NCOA3: variants seen among roughly 807,000 people sequenced by gnomAD.
NCOA3 encodes CBP-interacting protein.
A neutral mutation model predicts 158.8 loss-of-function variants in NCOA3; 51 were observed. The observed-to-expected ratio is 0.32, with a 90% CI of 0.26 to 0.41. NCOA3 has a LOEUF of 0.41. NCOA3 is among the 10% of genes least tolerant of loss of function. The pLI is 1.00. For synonymous variants in NCOA3, 537 were observed against 592.4 expected (o/e 0.91, Z 1.36); for missense variants, 1,510 against 1,746.6 (o/e 0.86, Z 2.41).
At chr20:47,546,527 GTTTTTTTTTTT>G (rs35925841) in intron 1 of NCOA3, among the ~76,000 whole-genome samples, 1 of 120,280 alleles carries the variant, frequency 8.3e-6, no homozygotes, top group South Asian at 2.7e-4. Context: ...ACTTGCCTCT[GTTTTTTTTTTT>G]TTTTTTTTTT....
At chr20:47,635,250 A>ATT in intron 10 of NCOA3, 72 bp from the exon 11 acceptor site, 1 of 1,434,360 alleles carries the variant, frequency 7.0e-7, no homozygotes, top group Non-Finnish European at 9.4e-7. Context: ...ATTTTATTTT[A>ATT]TTTTAAATCT....
rs111321522 is a variant in NCOA3, at chr20:47,597,971, C to A, written c.-20+14710C>A. ...TTTAAAGAACCAGGCTTCTGCCGGGCGTGGTGGCTCACGCCTGTAATCCCA... is the reference window on the plus strand; with the variant it reads ...TTTAAAGAACCAGGCTTCTGCCGGGAGTGGTGGCTCACGCCTGTAATCCCA... On this transcript the variant is annotated intron_variant, in intron 2 of 22. Coordinates refer to ENST00000371998, the MANE Select transcript of NCOA3 (RefSeq NM_181659.3). 7.3e-3 allele frequency among the ~76,000 whole-genome samples: 1,102 copies of A among 151,598 alleles called. 22 individuals are homozygous for A. Among genetic ancestry groups the A allele is most frequent in the African/African-American group, 0.025 (1,044 of 41,422 alleles).
intron 2 of NCOA3, among the ~76,000 whole-genome samples, chr20:47,600,814 CAAAAA>C (rs376125255): frequency 2.7e-5 from 2 of 73,046 alleles, no homozygotes. Context: ...CTGTCCCTGG[CAAAAA>C]AAAAAAAAAA....
intron 1 of NCOA3, among the ~76,000 whole-genome samples, chr20:47,568,108 A>G (rs1310255144): frequency 2.6e-5 from 4 of 152,160 alleles, no homozygotes; most frequent in South Asian, 2.1e-4. Flanking sequence ...TTCAAGTTCT[A>G]TTTTTGGCAC....
At chr20:47,604,680 C>A (rs999022323) in intron 2 of NCOA3, among the ~76,000 whole-genome samples, 1 of 152,192 alleles carries the variant, frequency 6.6e-6, no homozygotes, top group African/African-American at 2.4e-5. Context: ...TCAAGTGAGC[C>A]TCCCACCTCA....
chr20:47,652,250 TG>T (rs375109509), intron 20 of NCOA3, among the ~76,000 whole-genome samples, 155 bp from the exon 21 acceptor site: 2 of 151,858 alleles, frequency 1.3e-5, no homozygotes, highest in Non-Finnish European at 1.5e-5. Context: ...CTAGAATACC[TG>T]GGGGGGCAGC....
At chr20:47,567,693 A>G (rs1365255003) in intron 1 of NCOA3, among the ~76,000 whole-genome samples, 11 of 151,988 alleles carry the variant, frequency 7.2e-5, no homozygotes, top group Admixed American at 6.6e-4. Flanking sequence ...CCTCAGCCTC[A>G]CAAGTAGCTG....
chr20:47,591,533 T>C (rs1273080188), intron 2 of NCOA3, among the ~76,000 whole-genome samples: 1 of 152,222 alleles, frequency 6.6e-6, no homozygotes, highest in Non-Finnish European at 1.5e-5. Flanking sequence ...TAGATGTGCA[T>C]TTTCATCTGA....
rs567509906 is a variant in NCOA3, at chr20:47,639,453, T to A, written c.2708-124T>A. ...TATGTCTCCACAGTTGGCCAGCCCT[T>A]TTCTTACCATGACAAAGTGCTGTTT... On this transcript the variant is annotated intron_variant, in intron 14 of 22. Transcript: ENST00000371998. 3.3e-5 allele frequency: 44 copies of A among 1,352,006 alleles called. No homozygotes were observed. The African/African-American group carries it at 5.6e-4, about 17-fold the overall frequency. 83.8% of individuals were successfully genotyped at this position (1,352,006 alleles called of 1,614,324 possible).
intron 2 of NCOA3, among the ~76,000 whole-genome samples, chr20:47,618,348 G>GT (rs71183269): frequency 0.089 from 8,963 of 101,214 alleles, 590 homozygotes; most frequent in Middle Eastern, 0.13. Context: ...TTTTCCCTTA[G>GT]TTTTTTTTTT....
intron 1 of NCOA3, among the ~76,000 whole-genome samples, chr20:47,578,789 C>T (rs2085410204): frequency 6.6e-6 from 1 of 152,160 alleles, no homozygotes; most frequent in Non-Finnish European, 1.5e-5. Flanking sequence ...AGTGGCTCCC[C>T]TTTTCTGTGA....
chr20:47,571,517 T>C (rs1340748327), intron 1 of NCOA3, among the ~76,000 whole-genome samples: 1 of 151,586 alleles, frequency 6.6e-6, no homozygotes, highest in Non-Finnish European at 1.5e-5. Context: ...GAGGTTTCAC[T>C]ATGTTGCCCA....
intron 2 of NCOA3, among the ~76,000 whole-genome samples, chr20:47,611,721 G>A (rs1167525404): frequency 6.6e-6 from 1 of 152,134 alleles, no homozygotes; most frequent in African/African-American, 2.4e-5. Flanking sequence ...GAATCTGGGA[G>A]GCGGAAGTTT....
In NCOA3 at chr20:47,656,455, C is replaced by T. The variant is rs1237376948; in HGVS notation, c.*3038C>T. 3.9e-5 allele frequency: 6 copies of T among 152,152 alleles called. No homozygotes were observed. The highest frequency in any genetic ancestry group is 7.4e-5 in the Non-Finnish European group (5 of 68,008). The allele number at this position is 152,152 out of a possible 1,614,324, so 9.4% of individuals were successfully genotyped here. On this transcript the variant is annotated 3_prime_UTR_variant, in exon 23 of 23. Coordinates refer to ENST00000371998, the MANE Select transcript of NCOA3 (RefSeq NM_181659.3). ...AGAGGTGGGTGCAGCTGAAAGTAAACAGAATGGATTGCCAGTTACATGTAT... is the reference window on the plus strand; with the variant it reads ...AGAGGTGGGTGCAGCTGAAAGTAAATAGAATGGATTGCCAGTTACATGTAT...
intron 1 of NCOA3, among the ~76,000 whole-genome samples, chr20:47,557,621 AAT>A (rs1218910368): frequency 6.6e-6 from 1 of 152,204 alleles, no homozygotes; most frequent in Non-Finnish European, 1.5e-5. Context: ...CAAATTAAGT[AAT>A]ATAGTCAGAT....
chr20:47,532,885 C>A (rs2084569209), intron 1 of NCOA3, among the ~76,000 whole-genome samples: 1 of 151,572 alleles, frequency 6.6e-6, no homozygotes, highest in African/African-American at 2.4e-5. Context: ...GGGCGGATCA[C>A]TTGAGGTCAG....
chr20:47,647,909 G>GTTTTTTTTTT (rs1199919209), intron 18 of NCOA3, among the ~76,000 whole-genome samples: 2 of 128,092 alleles, frequency 1.6e-5, no homozygotes, highest in Non-Finnish European at 3.3e-5. Flanking sequence ...TTGTTTGTTT[G>GTTTTTTTTTT]TTTTGTTTTG....
intron 2 of NCOA3, among the ~76,000 whole-genome samples, chr20:47,588,151 T>G (rs892540886): frequency 4.4e-4 from 64 of 143,878 alleles, no homozygotes; most frequent in African/African-American, 1.6e-3. Context: ...TTTTTTTTTT[T>G]TTTTTTTGAG....
At chr20:47,556,761 C>T (rs2085014467) in intron 1 of NCOA3, among the ~76,000 whole-genome samples, 1 of 152,052 alleles carries the variant, frequency 6.6e-6, no homozygotes, top group Non-Finnish European at 1.5e-5. Context: ...TTAACATGTC[C>T]CATTCTATAG....
Sources: gnomAD v4.1 joint callset for allele counts (sites outside exome capture counted in the v4.1 genomes callset) on GRCh38, gnomAD v4.1.1 for gene constraint, MANE v1.5 for transcripts, NCBI Gene and HGNC (gene_info 2026-07-23, HGNC 2026-07-21) for gene names.